SREK1: variants seen among roughly 807,000 people sequenced by gnomAD.
SREK1 encodes the protein splicing regulatory glutamine/lysine-rich protein 1.
In SREK1, 13 loss-of-function variants were observed where a neutral mutation model predicts 66.5. The observed-to-expected ratio is 0.20, with a 90% CI of 0.13 to 0.31. The LOEUF (loss-of-function observed/expected upper bound fraction) is 0.31. Among genes scored for constraint, SREK1 ranks in the 10% least tolerant of loss-of-function variants. The pLI, the probability that SREK1 is intolerant of heterozygous loss-of-function variation, is 1.00. For missense variants in SREK1, 607 were observed against 769.6 expected (o/e 0.79, Z 2.50); for synonymous variants, 265 against 263.5 (o/e 1.01, Z -0.05).
Position 66,169,857 on chromosome 5 carries a change from T to G in SREK1, c.1002-194T>G, listed in dbSNP as rs1580665228. The G allele has an allele frequency of 7.7e-6, 3 of 388,584 alleles. No individual in the cohort carries two copies. The East Asian group carries it at 1.3e-4, about 17-fold the overall frequency. The allele number at this position is 388,584 out of a possible 1,614,324, so 24.1% of individuals were successfully genotyped here. On this transcript the variant is annotated intron_variant, in intron 7 of 11. Coordinates refer to ENST00000334121, the MANE Select transcript of SREK1 (RefSeq NM_001077199.3). ...TATACGAAATAACTGTTAAATTCTTTGTTTCTGTCTCTGTTCTAGACAATG... is the reference window on the plus strand; with the variant it reads ...TATACGAAATAACTGTTAAATTCTTGGTTTCTGTCTCTGTTCTAGACAATG...
At chr5:66,147,044 C>A (rs1216197788) in intron 1 of SREK1, among the ~76,000 whole-genome samples, 2 of 151,986 alleles carry the variant, frequency 1.3e-5, no homozygotes, top group Non-Finnish European at 2.9e-5. Context: ...CATATTGAGA[C>A]CCCTATCTCT....
intron 1 of SREK1, among the ~76,000 whole-genome samples, chr5:66,152,057 G>C (rs976720227): frequency 1.3e-5 from 2 of 151,954 alleles, no homozygotes; most frequent in Non-Finnish European, 2.9e-5. Flanking sequence ...GTGTTAGCCA[G>C]GATAGTCTCG....
intron 10 of SREK1, among the ~76,000 whole-genome samples, chr5:66,176,597 C>A (rs970007428): frequency 6.6e-6 from 1 of 152,062 alleles, no homozygotes; most frequent in African/African-American, 2.4e-5. Context: ...CTGATGAGAT[C>A]GGGCATGCTC....
At chr5:66,154,709 C>G (rs1744132822) in intron 2 of SREK1, among the ~76,000 whole-genome samples, 1 of 152,124 alleles carries the variant, frequency 6.6e-6, no homozygotes, top group South Asian at 2.1e-4. Flanking sequence ...ATAGGACATT[C>G]TCAGTATTTT....
chr5:66,144,500 C>G lies in SREK1; in HGVS notation c.124C>G (p.Leu42Val). The change falls in exon 1 of 12, where the codon CTA becomes GTA. Residue 42 changes from leucine (L) to valine (V), a missense_variant. Physicochemically the swap from Leu to Val is conservative, Grantham distance 32. Transcript: ENST00000334121. ...GCAGATGCGGACGCTTTTTTCCTTC[C>G]TAGGAGAAATCGAGGAGCTGCGGCT... is the stretch of plus-strand genomic sequence containing the variant. ...SEQMRTLFSF[L>V]GEIEELRLYP... 6.4e-7 allele frequency: 1 copy of G among 1,554,058 alleles called. No individual in the cohort carries two copies. Among genetic ancestry groups the G allele is most frequent in the African/African-American group, 1.4e-5 (1 of 73,272 alleles).
chr5:66,161,283 TAGTA>T lies in SREK1; in HGVS notation c.412-820_412-817del, dbSNP rs771845796. The stretch of plus-strand genomic sequence containing the variant: ...TGAATTCTGTATTTTTGAATTCACT[TAGTA>T]AGTAAAATTTTTTTGAAATCCCCAC... On this transcript the variant is annotated intron_variant, in intron 3 of 11. Coordinates refer to ENST00000334121, the MANE Select transcript of SREK1 (RefSeq NM_001077199.3). Among the ~76,000 whole-genome samples the T allele has an allele frequency of 2.3e-3, 354 of 152,334 alleles. 5 individuals are homozygous for T. Among genetic ancestry groups the T allele is most frequent in the Middle Eastern group, 3.4e-3 (1 of 294 alleles).
chr5:66,152,670 G>A (rs533616776), intron 1 of SREK1, among the ~76,000 whole-genome samples: 4 of 152,010 alleles, frequency 2.6e-5, no homozygotes, highest in Admixed American at 6.6e-5. Flanking sequence ...TACAGATTAC[G>A]TATGTACTTA....
intron 7 of SREK1, chr5:66,165,251 C>G (rs1366031659): frequency 1.8e-5 from 3 of 164,032 alleles, no homozygotes; most frequent in African/African-American, 7.2e-5. Flanking sequence ...AGTGACCATG[C>G]TGAAAATAAT....
At position 66,181,959 on chromosome 5, in the gene SREK1, G is replaced by A. The variant is rs1385256264; in HGVS notation, c.*3091G>A. 1.3e-5 allele frequency: 2 copies of A among 148,900 alleles called. No individual in the cohort carries two copies. Among genetic ancestry groups the A allele is most frequent in the African/African-American group, 4.9e-5 (2 of 40,700 alleles). 9.2% of individuals were successfully genotyped at this position (148,900 alleles called of 1,614,324 possible). ...ATAGTAATAATTTTCAAGACCTTCA[G>A]TCATTCCTATGTCTATGTTGCTATC... On this transcript the variant is annotated 3_prime_UTR_variant, in exon 12 of 12. Coordinates refer to ENST00000334121, the MANE Select transcript of SREK1 (RefSeq NM_001077199.3).
At chr5:66,154,408 A>C (rs1361056093) in intron 2 of SREK1, among the ~76,000 whole-genome samples, 2 of 152,222 alleles carry the variant, frequency 1.3e-5, no homozygotes, top group African/African-American at 2.4e-5. Context: ...GCATGTGTAC[A>C]GGATTTTAGA....
At chr5:66,169,833 A>T (rs1022166905) in intron 7 of SREK1, 4 of 317,208 alleles carry the variant, frequency 1.3e-5, no homozygotes, top group African/African-American at 6.5e-5. Flanking sequence ...ATCTGAAAAT[A>T]TACGAAATAA....
At chr5:66,160,238 C>G (rs1249388719) in intron 3 of SREK1, among the ~76,000 whole-genome samples, 1 of 151,912 alleles carries the variant, frequency 6.6e-6, no homozygotes, top group Non-Finnish European at 1.5e-5. Context: ...CAACATAGAA[C>G]AAAATACAAA....
rs1450927079 is a variant in SREK1, at chr5:66,160,081, G to A, written c.411+747G>A. On this transcript the variant is annotated intron_variant, in intron 3 of 11. Coordinates refer to ENST00000334121, the MANE Select transcript of SREK1 (RefSeq NM_001077199.3). ...GGAGGCGGAGCTTGCAGTGAGCGAA[G>A]ATTGCGCCACTGCACTCCAGCCTGG... Among the ~76,000 whole-genome samples, 3 of 151,820 alleles carry A rather than the reference G, an allele frequency of 2.0e-5. No homozygotes were observed. The East Asian group carries it at 5.8e-4, about 29-fold the overall frequency.
intron 2 of SREK1, chr5:66,156,903 A>C: frequency 1.0e-6 from 1 of 984,518 alleles, no homozygotes; most frequent in Non-Finnish European, 1.2e-6. Flanking sequence ...GATTAGGACT[A>C]TAATACTGTG....
chr5:66,144,644 A>G, intron 1 of SREK1, 107 bp downstream of exon 1: 1 of 1,433,308 alleles, frequency 7.0e-7, no homozygotes, highest in Middle Eastern at 2.2e-4. Flanking sequence ...ATGTCACGTG[A>G]TCGCGCCGGC....
In SREK1 at chr5:66,178,851, A is replaced by G; in HGVS notation, c.1858A>G (p.Lys620Glu). 1 of 1,612,084 alleles carries G rather than the reference A, an allele frequency of 6.2e-7. No individual in the cohort carries two copies. Among genetic ancestry groups the G allele is most frequent in the Non-Finnish European group, 8.5e-7 (1 of 1,178,608 alleles). Reference sequence around the variant, plus strand: ...GCTGAATGAAGAAAACCTCTCTACCAAAACAGAAGCAGTATAGGACCGACA... The same window carrying G: ...GCTGAATGAAGAAAACCTCTCTACCGAAACAGAAGCAGTATAGGACCGACA... ...CQLNEENLST[K>E]TEAV Residue 620 changes from lysine to glutamate, a missense_variant, in exon 12 of 12, where the codon AAA (lysine) becomes GAA (glutamate). Lys to Glu is a moderately conservative substitution (Grantham distance 56). Transcript: ENST00000334121.
chr5:66,144,697 C>A (rs1580603694), intron 1 of SREK1, 160 bp downstream of exon 1: 2 of 1,332,786 alleles, frequency 1.5e-6, no homozygotes, highest in East Asian at 2.7e-5. Context: ...CGGGTTCCGC[C>A]GTCCTGCTCT....
At chr5:66,145,306 T>G in intron 1 of SREK1, 2 of 363,534 alleles carry the variant, frequency 5.5e-6, no homozygotes, top group Non-Finnish European at 7.7e-6. Context: ...CCTCGTACGA[T>G]ATTATTTAGA....
At chr5:66,167,023 T>G (rs1745234364) in intron 7 of SREK1, 1 of 152,214 alleles carries the variant, frequency 6.6e-6, no homozygotes, top group Admixed American at 6.5e-5. Context: ...GTGGGAGTTG[T>G]TGTCCTTGAA....
Sources: allele counts gnomAD v4.1 joint callset (sites outside exome capture counted in the v4.1 genomes callset), GRCh38; gene constraint gnomAD v4.1.1; transcripts MANE v1.5; gene names NCBI Gene and HGNC (gene_info 2026-07-23, HGNC 2026-07-21).